The following PROKR1 variants were observed in gnomAD, a reference collection of about 807,000 sequenced individuals.
PROKR1 encodes the protein G protein-coupled receptor 73.
Under a neutral mutation model 22.8 loss-of-function variants are expected in PROKR1, and 21 were observed. The observed-to-expected ratio is 0.92, with a 90% CI of 0.65 to 1.32. The LOEUF is 1.32. Among genes scored for constraint, PROKR1 ranks in the 40% most tolerant of loss-of-function variants. PROKR1 has a pLI of 0.00. For synonymous variants in PROKR1, 193 were observed against 207.5 expected (o/e 0.93, Z 0.60); for missense variants, 548 against 514.2 (o/e 1.07, Z -0.64).
At position 68,654,919 on chromosome 2, in the gene PROKR1, G is replaced by T; in HGVS notation, c.525G>T (p.Lys175Asn). The change falls in exon 3 of 3, where the codon AAG becomes AAT. Residue 175 changes from lysine (K) to asparagine (N), a missense_variant. Physicochemically the swap from Lys to Asn is moderately conservative, Grantham distance 94. Coordinates refer to ENST00000303786, the MANE Select transcript of PROKR1 (RefSeq NM_138964.4). ...AIVHPLRPRM[K>N]CQTATGLIAL... ...TCCATCCGCTGAGACCACGGATGAA[G>T]TGCCAAACAGCCACTGGCCTGATTG... is the stretch of plus-strand genomic sequence containing the variant. The T allele has an allele frequency of 6.2e-7, 1 of 1,613,730 alleles. No individual in the cohort carries two copies. Among genetic ancestry groups the T allele is most frequent in the South Asian group, 1.1e-5 (1 of 91,070 alleles).
chr2:68,644,130 C>A (rs1188320608), intron 1 of PROKR1, among the ~76,000 whole-genome samples: 1 of 152,160 alleles, frequency 6.6e-6, no homozygotes, highest in East Asian at 1.9e-4. Flanking sequence ...ATTGGGGTTC[C>A]CCTCTGAACG....
At position 68,655,396 on chromosome 2, in the gene PROKR1, C is replaced by A; in HGVS notation, c.1002C>A (p.Asn334Lys). Residue 334 changes from asparagine (N) to lysine (K), a missense_variant, in exon 3 of 3, where the codon AAC (asparagine) becomes AAA (lysine). Physicochemically the swap from Asn to Lys is moderately conservative, Grantham distance 94. Coordinates refer to ENST00000303786, the MANE Select transcript of PROKR1 (RefSeq NM_138964.4). ...TCGTCGAGTGCATCGCCATGAGCAACAGCATGATCAACACTCTGTGCTTCG... is the reference window on the plus strand; with the variant it reads ...TCGTCGAGTGCATCGCCATGAGCAAAAGCATGATCAACACTCTGTGCTTCG... Reference protein sequence around the residue: ...FYIVECIAMSNSMINTLCFVT... With the variant: ...FYIVECIAMSKSMINTLCFVT... 1 of 1,614,168 alleles carries A rather than the reference C, an allele frequency of 6.2e-7. No homozygotes were observed. The highest frequency in any genetic ancestry group is 1.1e-5 in the South Asian group (1 of 91,086).
rs762762033 is a variant in PROKR1, at chr2:68,646,325, G to A, written c.485+19G>A. 1.2e-6 allele frequency: 2 copies of A among 1,614,056 alleles called. No homozygotes were observed. Among genetic ancestry groups the A allele is most frequent in the South Asian group, 2.2e-5 (2 of 91,072 alleles). On this transcript the variant is annotated intron_variant, in intron 2 of 2. Coordinates refer to ENST00000303786, the MANE Select transcript of PROKR1 (RefSeq NM_138964.4). ...TTGACAGGTGAGTGCAGCAGCAGTG[G>A]GGACAACAAAGGCGGTCAGGGAGGA...
chr2:68,649,692 C>T (rs1673270034), intron 2 of PROKR1: 1 of 152,056 alleles, frequency 6.6e-6, no homozygotes, highest in Admixed American at 6.6e-5. Flanking sequence ...GGGACCTATT[C>T]TAGGTGAGTA....
chr2:68,652,286 G>A (rs1256358900), intron 2 of PROKR1, among the ~76,000 whole-genome samples: 5 of 152,208 alleles, frequency 3.3e-5, no homozygotes, highest in African/African-American at 9.6e-5. Context: ...AAAATGCTCT[G>A]TAAATTGTAA....
intron 1 of PROKR1, among the ~76,000 whole-genome samples, chr2:68,644,867 T>G (rs1415902012): frequency 6.6e-6 from 1 of 151,956 alleles, no homozygotes; most frequent in Non-Finnish European, 1.5e-5. Flanking sequence ...CATTATGTGG[T>G]GTGGTGGAGT....
intron 2 of PROKR1, among the ~76,000 whole-genome samples, chr2:68,648,359 G>C (rs774987653): frequency 1.3e-5 from 2 of 152,188 alleles, no homozygotes; most frequent in African/African-American, 2.4e-5. Context: ...AACAGAGCTT[G>C]TCTGAAATAC....
intron 2 of PROKR1, among the ~76,000 whole-genome samples, chr2:68,653,616 C>A (rs1673381012): frequency 1.3e-5 from 2 of 152,126 alleles, no homozygotes; most frequent in South Asian, 4.1e-4. Context: ...GTTGACCAGT[C>A]AATCCCCTCC....
At chr2:68,648,869 CCT>C (rs1027283479) in intron 2 of PROKR1, among the ~76,000 whole-genome samples, 1 of 152,134 alleles carries the variant, frequency 6.6e-6, no homozygotes, top group African/African-American at 2.4e-5. Flanking sequence ...AGTTATTTGA[CCT>C]CTCTCTGCCT....
chr2:68,653,679 G>T (rs4428042), intron 2 of PROKR1, among the ~76,000 whole-genome samples: 1 of 151,764 alleles, frequency 6.6e-6, no homozygotes, highest in Non-Finnish European at 1.5e-5. Flanking sequence ...TGCCAGCCAC[G>T]GGACGTCTTC....
chr2:68,655,214 A>C lies in PROKR1; in HGVS notation c.820A>C (p.Lys274Gln). 1 of 1,614,240 alleles carries C rather than the reference A, an allele frequency of 6.2e-7. No homozygotes were observed. Among genetic ancestry groups the C allele is most frequent in the South Asian group, 1.1e-5 (1 of 91,088 alleles). Residue 274 changes from lysine (K) to glutamine (Q), a missense_variant, in exon 3 of 3, where the codon AAG becomes CAG. Transcript: ENST00000303786. ...VPGFQTEQIR[K>Q]RLRCRRKTVL... ...TGGATTCCAGACAGAGCAGATCCGC[A>C]AGAGGCTGCGCTGCCGCAGGAAGAC... is the stretch of plus-strand genomic sequence containing the variant.
intron 2 of PROKR1, among the ~76,000 whole-genome samples, chr2:68,652,687 T>C (rs1443896574): frequency 1.3e-5 from 2 of 152,140 alleles, no homozygotes; most frequent in Non-Finnish European, 2.9e-5. Flanking sequence ...TGCTAGTAAT[T>C]CCTTGTATAT....
intron 2 of PROKR1, among the ~76,000 whole-genome samples, chr2:68,650,019 G>T (rs1673279807): frequency 7.2e-6 from 1 of 139,542 alleles, no homozygotes; most frequent in Non-Finnish European, 1.5e-5. Flanking sequence ...TGAACAATGA[G>T]ATCACATGGA....
rs1375219618 is a variant in PROKR1, at chr2:68,643,717, A to G, written c.-292A>G. 6.6e-6 allele frequency: 1 copy of G among 152,282 alleles called. No homozygotes were observed. Among genetic ancestry groups the G allele is most frequent in the African/African-American group, 2.4e-5 (1 of 41,460 alleles). 9.4% of individuals were successfully genotyped at this position (152,282 alleles called of 1,614,324 possible). A position where few individuals can be genotyped will look rare whatever the true frequency, so the allele number is the denominator to read the frequency against. On this transcript the variant is annotated 5_prime_UTR_variant, in exon 1 of 3. Transcript: ENST00000303786. ...GGTAACTCCCCCGCCAGAGCCGGGAAAGAGCCCCGAGCAGAGGAGGAAGGG... is the reference window on the plus strand; with the variant it reads ...GGTAACTCCCCCGCCAGAGCCGGGAGAGAGCCCCGAGCAGAGGAGGAAGGG...
intron 2 of PROKR1, among the ~76,000 whole-genome samples, chr2:68,652,502 A>G (rs1468956430): frequency 6.6e-6 from 1 of 152,210 alleles, no homozygotes; most frequent in East Asian, 1.9e-4. Flanking sequence ...ACCCAGAATG[A>G]AATGACTATC....
In PROKR1 at chr2:68,656,461, C is replaced by T. The variant is rs1219810590; in HGVS notation, c.*885C>T. ...CTCAGGTGTGGCAGGGGCTCAGGCT[C>T]TCCAGGTATACAGATGATACCGTTC... is the stretch of plus-strand genomic sequence containing the variant. On this transcript the variant is annotated 3_prime_UTR_variant, in exon 3 of 3. Coordinates refer to ENST00000303786, the MANE Select transcript of PROKR1 (RefSeq NM_138964.4). 3 of 152,284 alleles carry T rather than the reference C, an allele frequency of 2.0e-5. No homozygotes were observed. Among genetic ancestry groups the T allele is most frequent in the African/African-American group, 4.8e-5 (2 of 41,448 alleles). 9.4% of individuals were successfully genotyped at this position (152,284 alleles called of 1,614,324 possible).
At position 68,654,939 on chromosome 2, in the gene PROKR1, T is replaced by C; in HGVS notation, c.545T>C (p.Leu182Pro). The change falls in exon 3 of 3, where the codon CTG becomes CCG. Residue 182 changes from leucine to proline, a missense_variant. Leu to Pro is a moderately conservative substitution (Grantham distance 98, BLOSUM62 -3). Coordinates refer to ENST00000303786, the MANE Select transcript of PROKR1 (RefSeq NM_138964.4). ...ATGAAGTGCCAAACAGCCACTGGCC[T>C]GATTGCCTTGGTGTGGACGGTGTCC... The part of the protein sequence containing the change: ...PRMKCQTATG[L>P]IALVWTVSIL... The C allele has an allele frequency of 6.2e-7, 1 of 1,613,962 alleles. No individual in the cohort carries two copies. The highest frequency in any genetic ancestry group is 8.5e-7 in the Non-Finnish European group (1 of 1,180,006).
Position 68,655,489 on chromosome 2 carries a change from C to A in PROKR1, c.1095C>A (p.Tyr365Ter), listed in dbSNP as rs757522094. The A allele has an allele frequency of 3.7e-6, 6 of 1,614,230 alleles. No individual in the cohort carries two copies. In the East Asian group the frequency reaches 8.9e-5, roughly 24 times the overall value. Residue 365 changes from tyrosine (Y) to a stop codon, truncating the protein, a stop_gained, in exon 3 of 3, where the codon TAC becomes TAA. Transcript: ENST00000303786. LOFTEE classifies it high-confidence loss of function. The stretch of plus-strand genomic sequence containing the variant: ...TGTTGCTCCACTGGAAGGCTTCTTA[C>A]AATGGCGGTAAGTCCAGTGCAGACC... Reference protein sequence around the residue: ...KIMLLHWKASYNGGKSSADLD... With the variant: ...KIMLLHWKAS
Sources: allele counts gnomAD v4.1 joint callset (sites outside exome capture counted in the v4.1 genomes callset), GRCh38; gene constraint gnomAD v4.1.1; transcripts MANE v1.5; gene names NCBI Gene and HGNC (gene_info 2026-07-23, HGNC 2026-07-21).